GALNT8: variants seen among roughly 807,000 people sequenced by gnomAD.
GALNT8 encodes the protein probable polypeptide N-acetylgalactosaminyltransferase 8.
Under a neutral mutation model 62.7 loss-of-function variants are expected in GALNT8, and 66 were observed. The ratio of observed to expected loss-of-function variants is 1.05; its 90% CI spans 0.86 to 1.29. GALNT8 has a LOEUF of 1.29. Ranked by LOEUF, GALNT8 falls within the 50% of genes most tolerant of loss-of-function variation. GALNT8 has a pLI of 0.00. For synonymous variants in GALNT8, 288 were observed against 294.3 expected (o/e 0.98, Z 0.22); for missense variants, 771 against 791.8 (o/e 0.97, Z 0.32).
chr12:4,756,505 A>G (rs1946345800), intron 6 of GALNT8, among the ~76,000 whole-genome samples: 1 of 152,214 alleles, frequency 6.6e-6, no homozygotes, highest in African/African-American at 2.4e-5. Flanking sequence ...TGTAACAAAC[A>G]CTGACCCTGA....
At chr12:4,766,448 C>A (rs1360053128) in intron 10 of GALNT8, among the ~76,000 whole-genome samples, 3 of 152,126 alleles carry the variant, frequency 2.0e-5, no homozygotes, top group African/African-American at 4.8e-5. Flanking sequence ...GTGTTCAATA[C>A]GCATTAGCCA....
In GALNT8 at chr12:4,764,011, C is replaced by T. The variant is rs967729992; in HGVS notation, c.1557C>T (p.Thr519=). Residue 519 remains threonine (T), a synonymous_variant, in exon 9 of 11, where the codon ACC becomes ACT. Transcript: ENST00000252318. ...ATCAGGGACCCGTTCCAGGCAACAC[C>T]CCCATCATGTATTACTGCCATGAAT... is the stretch of plus-strand genomic sequence containing the variant. ...CLDQGPVPGN[T]PIMYYCHEFS... 3.8e-6 allele frequency: 6 copies of T among 1,597,484 alleles called. No homozygotes were observed. In the Admixed American group the frequency reaches 6.7e-5, roughly 18 times the overall value.
At chr12:4,731,125 C>T (rs35715089) in intron 2 of GALNT8, among the ~76,000 whole-genome samples, 19,730 of 152,026 alleles carry the variant, frequency 0.13, 1,475 homozygotes, top group Middle Eastern at 0.2. Context: ...CGTGAGCCAC[C>T]GCCCCCGGCC....
intron 10 of GALNT8, among the ~76,000 whole-genome samples, chr12:4,771,989 T>C (rs1277363386): frequency 6.6e-6 from 1 of 152,136 alleles, no homozygotes; most frequent in Non-Finnish European, 1.5e-5. Context: ...CCTCAGAGGC[T>C]GAGATTCCTG....
chr12:4,731,503 T>C (rs1946221914), intron 2 of GALNT8, among the ~76,000 whole-genome samples: 4 of 152,194 alleles, frequency 2.6e-5, no homozygotes, highest in Admixed American at 2.6e-4. Context: ...TTGCTCTCGC[T>C]AGGACTTCTA....
At chr12:4,727,496 C>T (rs1210395147) in intron 2 of GALNT8, among the ~76,000 whole-genome samples, 1 of 152,212 alleles carries the variant, frequency 6.6e-6, no homozygotes, top group Non-Finnish European at 1.5e-5. Context: ...ACGGCTTTAG[C>T]AGGCCCTCCA....
intron 3 of GALNT8, among the ~76,000 whole-genome samples, chr12:4,741,078 A>C (rs935320492): frequency 6.6e-6 from 1 of 152,216 alleles, no homozygotes; most frequent in Non-Finnish European, 1.5e-5. Context: ...TTTCTTGACT[A>C]TAAGGGCTAT....
At chr12:4,739,076 A>G in intron 2 of GALNT8, 87 bp from the exon 3 acceptor site, 1 of 808,430 alleles carries the variant, frequency 1.2e-6, no homozygotes, top group Non-Finnish European at 1.9e-6. Flanking sequence ...GGTCGATATA[A>G]CATCATACAG....
At chr12:4,722,737 G>A (rs1236129066) in intron 1 of GALNT8, among the ~76,000 whole-genome samples, 1 of 152,168 alleles carries the variant, frequency 6.6e-6, no homozygotes, top group East Asian at 1.9e-4. Flanking sequence ...TGCACATGGG[G>A]CTGGAGTTGG....
rs1169519430 is a variant in GALNT8 at position 4,765,485 on chromosome 12, C to G, written c.1700C>G (p.Thr567Ser). 6.2e-7 allele frequency: 1 copy of G among 1,612,468 alleles called. No homozygotes were observed. The highest frequency in any genetic ancestry group is 1.7e-5 in the Admixed American group (1 of 59,944). Residue 567 changes from threonine to serine, a missense_variant, in exon 10 of 11, where the codon ACC becomes AGC. Thr to Ser is a moderately conservative substitution (Grantham distance 58, BLOSUM62 1). Coordinates refer to ENST00000252318, the MANE Select transcript of GALNT8 (RefSeq NM_017417.2). ...GACCCTGGCAAGGCGGAGAAGCCCACCTTAGAACCATGCTCCAAGGCAGCT... is the reference window on the plus strand; with the variant it reads ...GACCCTGGCAAGGCGGAGAAGCCCAGCTTAGAACCATGCTCCAAGGCAGCT... ...LTDPGKAEKP[T>S]LEPCSKAAKN...
chr12:4,725,553 C>CTTTTTT (rs747460695), intron 1 of GALNT8, among the ~76,000 whole-genome samples: 6 of 119,676 alleles, frequency 5.0e-5, no homozygotes, highest in African/African-American at 6.4e-5. Context: ...TGAAGACATT[C>CTTTTTT]TTTTTTTTTT....
Position 4,745,310 on chromosome 12 carries a change from A to G in GALNT8, c.861-119A>G, listed in dbSNP as rs1946292211. Reference sequence around the variant, plus strand: ...TAGAGAGTTCTACTCACAACCCAGTACAGCCTAAATGGAGGAGGTACTCAA... The same window carrying G: ...TAGAGAGTTCTACTCACAACCCAGTGCAGCCTAAATGGAGGAGGTACTCAA... On this transcript the variant is annotated intron_variant, in intron 4 of 10. Coordinates refer to ENST00000252318, the MANE Select transcript of GALNT8 (RefSeq NM_017417.2). The G allele has an allele frequency of 3.9e-5, 27 of 695,156 alleles. No homozygotes were observed. The South Asian group carries it at 4.3e-4, about 11-fold the overall frequency. The allele number at this position is 695,156 out of a possible 1,614,324, so 43.1% of individuals were successfully genotyped here.
At chr12:4,759,499 G>A (rs969635720) in intron 6 of GALNT8, among the ~76,000 whole-genome samples, 6 of 150,488 alleles carry the variant, frequency 4.0e-5, no homozygotes, top group Non-Finnish European at 7.4e-5. Flanking sequence ...TGCAATGATG[G>A]AACCAGAATT....
At chr12:4,770,274 C>G (rs1350212038) in intron 10 of GALNT8, among the ~76,000 whole-genome samples, 1 of 151,172 alleles carries the variant, frequency 6.6e-6, no homozygotes, top group African/African-American at 2.4e-5. Flanking sequence ...TGCACTCTAT[C>G]CTGGACAACA....
intron 3 of GALNT8, among the ~76,000 whole-genome samples, chr12:4,741,680 TAAA>T (rs1946272922): frequency 6.6e-6 from 1 of 151,640 alleles, no homozygotes; most frequent in Admixed American, 6.6e-5. Context: ...AACAATGCAA[TAAA>T]AAAATACAAG....
intron 6 of GALNT8, among the ~76,000 whole-genome samples, chr12:4,756,685 T>G (rs1055655010): frequency 1.3e-5 from 2 of 152,208 alleles, no homozygotes; most frequent in Admixed American, 6.5e-5. Context: ...CATTCCACTG[T>G]CTTTAATTTC....
chr12:4,726,844 G>A lies in GALNT8; in HGVS notation c.509+15G>A. 1 of 1,597,010 alleles carries A rather than the reference G, an allele frequency of 6.3e-7. No homozygotes were observed. The highest frequency in any genetic ancestry group is 8.5e-7 in the Non-Finnish European group (1 of 1,170,242). The stretch of plus-strand genomic sequence containing the variant: ...CGAGACTACAGGTGGGATGAACCAG[G>A]CTTGGGCTTCTAGGGTCCTCAGTTT... On this transcript the variant is annotated intron_variant, in intron 2 of 10. Coordinates refer to ENST00000252318, the MANE Select transcript of GALNT8 (RefSeq NM_017417.2). This position sits in a 1 kb window ranked among gnomAD's most constrained non-coding sequence, Gnocchi z 4.1.
At chr12:4,730,279 G>C (rs1946215783) in intron 2 of GALNT8, among the ~76,000 whole-genome samples, 1 of 152,050 alleles carries the variant, frequency 6.6e-6, no homozygotes, top group Non-Finnish European at 1.5e-5. Context: ...TATCCAAAAA[G>C]TCATTGCCCA....
At chr12:4,721,596 C>G (rs889613647) in intron 1 of GALNT8, among the ~76,000 whole-genome samples, 1 of 150,042 alleles carries the variant, frequency 6.7e-6, no homozygotes, top group Non-Finnish European at 1.5e-5. Flanking sequence ...TATTGCTGCC[C>G]GCATGTCCCA....
Sources: allele counts gnomAD v4.1 joint callset (sites outside exome capture counted in the v4.1 genomes callset), GRCh38; gene constraint gnomAD v4.1.1; non-coding constraint Gnocchi (gnomAD v3.1); transcripts MANE v1.5; gene names NCBI Gene and HGNC (gene_info 2026-07-23, HGNC 2026-07-21).